SPAG16: variants seen among roughly 807,000 people sequenced by gnomAD.
SPAG16 encodes sperm-associated antigen 16 protein.
Under a neutral mutation model 80.4 loss-of-function variants are expected in SPAG16, and 86 were observed. The ratio of observed to expected loss-of-function variants is 1.07; its 90% CI spans 0.90 to 1.28. SPAG16 has a LOEUF of 1.28. Among genes scored for constraint, SPAG16 ranks in the 50% most tolerant of loss-of-function variants. The pLI is 0.00. For missense variants in SPAG16, 870 were observed against 765.3 expected (o/e 1.14, Z -1.61); for synonymous variants, 294 against 265.9 (o/e 1.11, Z -1.03).
intron 9 of SPAG16, among the ~76,000 whole-genome samples, chr2:213,471,707 C>G (rs1005719133): frequency 2.0e-5 from 3 of 152,192 alleles, no homozygotes; most frequent in African/African-American, 7.2e-5. Context: ...CATCCTTGAT[C>G]TGTTGCAGAG....
chr2:214,331,190 T>G (rs894570103), intron 15 of SPAG16, among the ~76,000 whole-genome samples: 1 of 152,132 alleles, frequency 6.6e-6, no homozygotes, highest in African/African-American at 2.4e-5. Context: ...ACTGTCAAAA[T>G]TGGGCAGAGG....
chr2:213,752,692 T>C (rs2068132778), intron 10 of SPAG16, among the ~76,000 whole-genome samples: 1 of 152,228 alleles, frequency 6.6e-6, no homozygotes, highest in Non-Finnish European at 1.5e-5. Context: ...TTGTATTTTG[T>C]GAAGCACAAA....
At chr2:213,736,209 C>A (rs1038438362) in intron 10 of SPAG16, among the ~76,000 whole-genome samples, 20 of 152,074 alleles carry the variant, frequency 1.3e-4, no homozygotes, top group African/African-American at 4.6e-4. Flanking sequence ...ATAATTATAT[C>A]ATTTTATAAA....
At chr2:214,356,423 TC>T (rs556715813) in intron 15 of SPAG16, among the ~76,000 whole-genome samples, 60 of 106,580 alleles carry the variant, frequency 5.6e-4, no homozygotes, top group African/African-American at 1.5e-3. Context: ...CCATAATTTA[TC>T]AATCTTCTCT....
chr2:213,572,839 C>T (rs1329302375), intron 10 of SPAG16, among the ~76,000 whole-genome samples: 1 of 152,152 alleles, frequency 6.6e-6, no homozygotes, highest in Non-Finnish European at 1.5e-5. Flanking sequence ...CCCCCAGCCT[C>T]GCTGCTGCCT....
At chr2:213,750,340 A>G (rs1368995502) in intron 10 of SPAG16, among the ~76,000 whole-genome samples, 1 of 152,238 alleles carries the variant, frequency 6.6e-6, no homozygotes, top group East Asian at 1.9e-4. Context: ...GACAAGAGTT[A>G]CATCGAAATA....
At chr2:213,369,809 A>C (rs1472414242) in intron 8 of SPAG16, among the ~76,000 whole-genome samples, 1 of 152,100 alleles carries the variant, frequency 6.6e-6, no homozygotes, top group African/African-American at 2.4e-5. Context: ...GCCCCCACCC[A>C]TATACCACCT....
chr2:213,782,103 T>C (rs1432568196), intron 10 of SPAG16, among the ~76,000 whole-genome samples: 1 of 152,102 alleles, frequency 6.6e-6, no homozygotes, highest in Non-Finnish European at 1.5e-5. Context: ...TGAAATACTA[T>C]CTCATTTCAA....
chr2:213,399,398 A>G (rs1453832092), intron 9 of SPAG16, among the ~76,000 whole-genome samples: 1 of 152,064 alleles, frequency 6.6e-6, no homozygotes, highest in African/African-American at 2.4e-5. Flanking sequence ...TTATTTTATC[A>G]TGAATAAGTA....
chr2:214,317,307 C>A (rs1343512997), intron 15 of SPAG16, among the ~76,000 whole-genome samples: 4 of 152,230 alleles, frequency 2.6e-5, no homozygotes, highest in African/African-American at 9.6e-5. Context: ...TTTACTGCCA[C>A]TAAGTCCAAG....
intron 10 of SPAG16, among the ~76,000 whole-genome samples, chr2:213,833,710 C>T (rs954322499): frequency 1.0e-4 from 14 of 138,484 alleles, no homozygotes; most frequent in African/African-American, 2.8e-4. Context: ...TGATAGACCA[C>T]GTAAAACAAA....
intron 15 of SPAG16, among the ~76,000 whole-genome samples, chr2:214,156,913 A>G (rs897543234): frequency 2.0e-5 from 3 of 152,234 alleles, no homozygotes; most frequent in African/African-American, 7.2e-5. Flanking sequence ...GAACAAGCCC[A>G]TTCTACCACA....
At chr2:213,866,129 A>G (rs1215671499) in intron 11 of SPAG16, among the ~76,000 whole-genome samples, 1 of 151,366 alleles carries the variant, frequency 6.6e-6, no homozygotes, top group African/African-American at 2.4e-5. Context: ...CTTACCAAAA[A>G]GAAAGAAAGA....
At chr2:213,890,487 T>C (rs1478945167) in intron 11 of SPAG16, among the ~76,000 whole-genome samples, 2 of 152,040 alleles carry the variant, frequency 1.3e-5, no homozygotes, top group African/African-American at 2.4e-5. Context: ...GTCTCAAAAG[T>C]AGGTAATGGG....
chr2:214,310,767 A>G (rs546629349), intron 15 of SPAG16, among the ~76,000 whole-genome samples: 28 of 152,250 alleles, frequency 1.8e-4, no homozygotes, highest in African/African-American at 3.9e-4. Flanking sequence ...CCAGGCCACA[A>G]TGCAACTTAG....
intron 11 of SPAG16, among the ~76,000 whole-genome samples, chr2:213,870,126 C>T (rs1034948681): frequency 6.6e-6 from 1 of 152,092 alleles, no homozygotes; most frequent in African/African-American, 2.4e-5. Context: ...TGATCTCTGG[C>T]CAGCGAAATG....
chr2:213,589,424 A>C (rs2060599929), intron 10 of SPAG16, among the ~76,000 whole-genome samples: 1 of 152,246 alleles, frequency 6.6e-6, no homozygotes, highest in South Asian at 2.1e-4. Flanking sequence ...TTCAATAAAC[A>C]ATAAAAGTTG....
chr2:213,368,438 A>T (rs1039541024), intron 8 of SPAG16, among the ~76,000 whole-genome samples: 1 of 152,188 alleles, frequency 6.6e-6, no homozygotes, highest in African/African-American at 2.4e-5. Flanking sequence ...GCTATTTATG[A>T]CAAACCCACA....
chr2:214,334,944 T>C lies in SPAG16; in HGVS notation c.1721-75196T>C, dbSNP rs561338569. Among the ~76,000 whole-genome samples, 14 of 152,304 alleles carry C rather than the reference T, an allele frequency of 9.2e-5. No homozygotes were observed. In the South Asian group the frequency reaches 2.9e-3, roughly 32 times the overall value. ...GGACCTATTCTGGTACCAAATCTTT[T>C]AAAATTGGGTTCCAGGGAAATAGAC... On this transcript the variant is annotated intron_variant, in intron 15 of 15. Transcript: ENST00000331683.
Sources: gnomAD v4.1 joint callset for allele counts (sites outside exome capture counted in the v4.1 genomes callset) on GRCh38, gnomAD v4.1.1 for gene constraint, MANE v1.5 for transcripts, NCBI Gene and HGNC (gene_info 2026-07-23, HGNC 2026-07-21) for gene names.